TCOF1: variants seen among roughly 807,000 people sequenced by gnomAD.
TCOF1 encodes the protein treacle protein.
A neutral mutation model predicts 149.0 loss-of-function variants in TCOF1; 33 were observed. The ratio of observed to expected loss-of-function variants is 0.22; its 90% CI spans 0.17 to 0.30. The LOEUF is 0.30. Among genes scored for constraint, TCOF1 ranks in the 10% least tolerant of loss-of-function variants. The pLI, the probability that TCOF1 is intolerant of heterozygous loss-of-function variation, is 1.00. For synonymous variants in TCOF1, 789 were observed against 738.8 expected, an observed-to-expected ratio of 1.07 and a Z score of -1.10; for missense variants, 1,728 against 1,840.7, an observed-to-expected ratio of 0.94 and a Z score of 1.12.
intron 8 of TCOF1, 93 bp downstream of exon 8, chr5:150,374,479 G>A (rs1763257349): frequency 1.4e-5 from 22 of 1,549,368 alleles, no homozygotes; most frequent in Non-Finnish European, 1.9e-5. Context: ...AGAGCCCCGG[G>A]CGTGCCTCAG....
Position 150,391,654 on chromosome 5 carries a change from T to TG in TCOF1, c.3297+1dup. 1 of 1,613,402 alleles carries TG rather than the reference T, an allele frequency of 6.2e-7. No individual in the cohort carries two copies. Among genetic ancestry groups the TG allele is most frequent in the Non-Finnish European group, 8.5e-7 (1 of 1,179,728 alleles). ...CTGTTGCCAGGACCCAGCCTTCAAG[T>TG]GGGGTGAGCTTGGGGAGCCAGGGGA... On this transcript the variant is annotated frameshift_variant, in exon 20 of 27. Coordinates refer to ENST00000643257, the MANE Select transcript of TCOF1 (RefSeq NM_001371623.1). LOFTEE classifies it high-confidence loss of function.
At position 150,392,715 on chromosome 5, in the gene TCOF1, C is replaced by A. The variant is rs561450439; in HGVS notation, c.3528C>A (p.Thr1176=). The part of the protein sequence containing the change: ...AKSAHTLVGP[T]PSRTETLVEE... ...ACTGTGCTTCTCCAGTAGGTCCCAC[C>A]CCCTCCAGGACAGAGACCCTGGTGG... Residue 1176 remains threonine, a synonymous_variant, in exon 22 of 27, where the codon ACC becomes ACA. Coordinates refer to ENST00000643257, the MANE Select transcript of TCOF1 (RefSeq NM_001371623.1). The A allele has an allele frequency of 5.0e-6, 8 of 1,614,046 alleles. No homozygotes were observed. The Admixed American group carries it at 6.7e-5, about 13-fold the overall frequency.
At chr5:150,361,317 A>G in intron 2 of TCOF1, 106 bp downstream of exon 2, 3 of 1,323,244 alleles carry the variant, frequency 2.3e-6, no homozygotes, top group Non-Finnish European at 3.2e-6. Context: ...CCCATAGCCC[A>G]CTGTGGACAC....
chr5:150,369,706 C>A, intron 6 of TCOF1, 104 bp downstream of exon 6: 1 of 1,290,908 alleles, frequency 7.7e-7, no homozygotes, highest in Non-Finnish European at 1.1e-6. Flanking sequence ...AGTTCAGCAA[C>A]TGTGGTAGGG....
At chr5:150,399,180 A>G in intron 26 of TCOF1, 110 bp downstream of exon 26, 1 of 1,490,432 alleles carries the variant, frequency 6.7e-7, no homozygotes, top group Non-Finnish European at 9.3e-7. Flanking sequence ...AGGGGAAAGG[A>G]GGCTGGGGAA....
At chr5:150,385,241 T>A (rs1244613114) in intron 17 of TCOF1, among the ~76,000 whole-genome samples, 2 of 152,322 alleles carry the variant, frequency 1.3e-5, no homozygotes, top group Non-Finnish European at 1.5e-5. Context: ...AAGTTTTAGG[T>A]TGAATCAAAG....
chr5:150,372,339 G>A (rs1762733121), intron 7 of TCOF1, 103 bp downstream of exon 7: 1 of 1,017,604 alleles, frequency 9.8e-7, no homozygotes, highest in Admixed American at 2.5e-5. Flanking sequence ...GGGAGAGGGA[G>A]GACTATGGTG....
chr5:150,372,879 A>G (rs1163434284), intron 7 of TCOF1, among the ~76,000 whole-genome samples: 1 of 152,162 alleles, frequency 6.6e-6, no homozygotes, highest in Non-Finnish European at 1.5e-5. Flanking sequence ...TAAAGACCAG[A>G]AGGAGGAAGC....
At chr5:150,358,654 T>C (rs1213963921) in intron 1 of TCOF1, among the ~76,000 whole-genome samples, 2 of 151,982 alleles carry the variant, frequency 1.3e-5, no homozygotes, top group Non-Finnish European at 2.9e-5. Context: ...CTGGCCAACA[T>C]GGTGAAACAC....
intron 17 of TCOF1, among the ~76,000 whole-genome samples, chr5:150,381,747 A>C (rs1042349284): frequency 3.9e-5 from 6 of 152,232 alleles, no homozygotes; most frequent in Non-Finnish European, 8.8e-5. Flanking sequence ...AAAAGAGCTT[A>C]AATAAGGGGA....
chr5:150,375,285 A>G, intron 10 of TCOF1, 54 bp from the exon 11 acceptor site: 1 of 1,603,184 alleles, frequency 6.2e-7, no homozygotes. Context: ...TCCTCCCCTC[A>G]CTCACATTCT....
Position 150,372,079 on chromosome 5 carries a change from C to G in TCOF1, c.713C>G (p.Ala238Gly). Residue 238 changes from alanine to glycine, a missense_variant, in exon 7 of 27, where the codon GCG (alanine) becomes GGG (glycine). Around this residue, in one of 2 missense-constraint regions of TCOF1, gnomAD observed 1,696 missense variants for 1,765.4 expected, o/e 0.96. Coordinates refer to ENST00000643257, the MANE Select transcript of TCOF1 (RefSeq NM_001371623.1). ...VSTKESPARK[A>G]APAPGKVGDV... ...ACTAAGGAGTCTCCAGCAAGAAAGG[C>G]GGCCCCAGCCCCTGGGAAGGTGGGG... The G allele has an allele frequency of 6.2e-7, 1 of 1,614,232 alleles. No individual in the cohort carries two copies. Among genetic ancestry groups the G allele is most frequent in the Non-Finnish European group, 8.5e-7 (1 of 1,180,046 alleles).
chr5:150,397,395 C>T (rs925678592), intron 24 of TCOF1, among the ~76,000 whole-genome samples: 4 of 152,102 alleles, frequency 2.6e-5, no homozygotes, highest in Admixed American at 2.6e-4. Flanking sequence ...GAATCCTCAT[C>T]CCAAACCCCA....
chr5:150,368,189 C>T (rs1458303838), intron 4 of TCOF1: 20 of 460,586 alleles, frequency 4.3e-5, no homozygotes, highest in South Asian at 2.2e-5. Context: ...TTCATGCCTG[C>T]GTTCACCCGT....
At position 150,368,403 on chromosome 5, in the gene TCOF1, C is replaced by T. The variant is rs116026019; in HGVS notation, c.379-313C>T. 1,051 of 424,466 alleles carry T rather than the reference C, an allele frequency of 2.5e-3. 11 individuals carry two copies. Among genetic ancestry groups the T allele is most frequent in the African/African-American group, 0.019 (951 of 50,294 alleles). The allele number at this position is 424,466 out of a possible 1,614,324, so 26.3% of individuals were successfully genotyped here. On this transcript the variant is annotated intron_variant, in intron 4 of 26. Transcript: ENST00000643257. ...ACATGTATAAAGAATTGTGCCTCTG[C>T]GATTGCCTGGAGCATTAGCAACAAT...
intron 6 of TCOF1, 61 bp from the exon 7 acceptor site, chr5:150,371,945 C>T: frequency 6.7e-7 from 1 of 1,485,826 alleles, no homozygotes; most frequent in Non-Finnish European, 9.3e-7. Flanking sequence ...GCCCCTAATA[C>T]AGAACCTTAG....
intron 11 of TCOF1, 49 bp from the exon 12 acceptor site, chr5:150,375,672 A>G: frequency 6.2e-7 from 1 of 1,613,642 alleles, no homozygotes; most frequent in Non-Finnish European, 8.5e-7. Context: ...TAATGTCTGC[A>G]CACACCTACC....
rs991524826 is a variant in TCOF1, at chr5:150,365,253, CT to C, written c.304+1021del. Reference sequence around the variant, plus strand: ...AATTTTGTGGGTTTTCTTTTTCTTTCTTTTTTTTTTTTTTTTTTTTAATAGA... The same window carrying C: ...AATTTTGTGGGTTTTCTTTTTCTTTCTTTTTTTTTTTTTTTTTTTAATAGA... On this transcript the variant is annotated intron_variant, in intron 3 of 26. Coordinates refer to ENST00000643257, the MANE Select transcript of TCOF1 (RefSeq NM_001371623.1). Among the ~76,000 whole-genome samples the C allele has an allele frequency of 4.4e-3, 507 of 116,494 alleles. 2 individuals are homozygous for C. The highest frequency in any genetic ancestry group is 0.017 in the South Asian group (60 of 3,452). 76.4% of individuals were successfully genotyped at this position (116,494 alleles called of 152,430 possible). A position where few individuals can be genotyped will look rare whatever the true frequency, so the allele number is the denominator to read the frequency against.
intron 17 of TCOF1, chr5:150,380,872 G>A (rs1159083052): frequency 6.6e-6 from 1 of 152,260 alleles, no homozygotes; most frequent in African/African-American, 2.4e-5. Context: ...AGCCAGGCGT[G>A]ATGGCAGGCG....
Sources: allele counts gnomAD v4.1 joint callset (sites outside exome capture counted in the v4.1 genomes callset), GRCh38; gene constraint gnomAD v4.1.1; regional missense constraint gnomAD v4.1.1; transcripts MANE v1.5; gene names NCBI Gene and HGNC (gene_info 2026-07-23, HGNC 2026-07-21).